The following SNX9 variants were observed in gnomAD, a reference collection of about 807,000 sequenced individuals.
SNX9 encodes sorting nexin-9.
A neutral mutation model predicts 89.4 loss-of-function variants in SNX9; 44 were observed. The ratio of observed to expected loss-of-function variants is 0.49; its 90% CI spans 0.39 to 0.63. The LOEUF is 0.63. Among genes scored for constraint, SNX9 ranks in the 30% least tolerant of loss-of-function variants. The pLI, the probability that SNX9 is intolerant of heterozygous loss-of-function variation, is 0.00. For synonymous variants in SNX9, 236 were observed against 247.8 expected (o/e 0.95, Z 0.45); for missense variants, 578 against 736.1 (o/e 0.79, Z 2.49).
intron 5 of SNX9, among the ~76,000 whole-genome samples, chr6:157,898,467 T>TTCTGATTTTAACATC (rs1272260905): frequency 1.3e-5 from 2 of 152,236 alleles, no homozygotes; most frequent in Non-Finnish European, 2.9e-5. Flanking sequence ...ATTTGTCACC[T>TTCTGATTTTAACATC]TCTGATTTTA....
chr6:157,895,208 A>G (rs1215485160), intron 4 of SNX9, among the ~76,000 whole-genome samples: 3 of 152,220 alleles, frequency 2.0e-5, no homozygotes, highest in Non-Finnish European at 4.4e-5. Flanking sequence ...CAGTTTGTGC[A>G]CAGCCTCAGC....
At chr6:157,915,640 A>AAAAAATATATATATAT (rs1472422303) in intron 9 of SNX9, among the ~76,000 whole-genome samples, 38 of 95,096 alleles carry the variant, frequency 4.0e-4, no homozygotes, top group African/African-American at 1.7e-3. Context: ...AAAAAAAAAA[A>AAAAAATATATATATAT]ATATATATAT....
chr6:157,827,821 C>T (rs1781409604), intron 1 of SNX9, among the ~76,000 whole-genome samples: 1 of 150,136 alleles, frequency 6.7e-6, no homozygotes, highest in Non-Finnish European at 1.5e-5. Flanking sequence ...TACATAGTCA[C>T]CTTTAGGCTA....
rs1297164386 is a variant in SNX9, at chr6:157,937,402, G to A, written c.1444-32G>A. On this transcript the variant is annotated intron_variant, in intron 14 of 17. Coordinates refer to ENST00000392185, the MANE Select transcript of SNX9 (RefSeq NM_016224.5). ...TTTCCTTGATTTTCTGAATTTCTCT[G>A]CCAGTAACAATCAGCTTGTATCTTG... The A allele has an allele frequency of 2.0e-6, 3 of 1,478,226 alleles. No homozygotes were observed. The African/African-American group carries it at 4.2e-5, about 21-fold the overall frequency. 91.6% of individuals were successfully genotyped at this position (1,478,226 alleles called of 1,614,324 possible). A position where few individuals can be genotyped will look rare whatever the true frequency, so the allele number is the denominator to read the frequency against.
At chr6:157,942,649 G>A (rs1489993400) in intron 17 of SNX9, 142 bp from the exon 18 acceptor site, 7 of 833,646 alleles carry the variant, frequency 8.4e-6, no homozygotes, top group African/African-American at 3.4e-5. Context: ...GCAGCAACGC[G>A]GGGCAGGGCT....
At chr6:157,897,388 A>G (rs1359630104) in intron 5 of SNX9, among the ~76,000 whole-genome samples, 2 of 152,164 alleles carry the variant, frequency 1.3e-5, no homozygotes, top group African/African-American at 2.4e-5. Context: ...TGGGGAAGGG[A>G]CGCAGAGCTT....
At chr6:157,875,242 C>A (rs1016813050) in intron 4 of SNX9, 66 bp downstream of exon 4, 58 of 1,547,050 alleles carry the variant, frequency 3.7e-5, no homozygotes, top group Non-Finnish European at 4.7e-5. Context: ...TTTGTGAAGG[C>A]TTGTGATGCA....
At chr6:157,910,089 T>A in intron 9 of SNX9, 64 bp downstream of exon 9, 1 of 1,281,754 alleles carries the variant, frequency 7.8e-7, no homozygotes, top group Non-Finnish European at 1.1e-6. Context: ...ATTATCTTCC[T>A]GTAAGTCAGT....
intron 4 of SNX9, among the ~76,000 whole-genome samples, chr6:157,876,112 G>T (rs1263377969): frequency 6.6e-6 from 1 of 151,376 alleles, no homozygotes; most frequent in East Asian, 1.9e-4. Flanking sequence ...ATTCTATCAG[G>T]CCTGATGATA....
At chr6:157,850,988 G>C (rs182207024) in intron 1 of SNX9, among the ~76,000 whole-genome samples, 1 of 152,154 alleles carries the variant, frequency 6.6e-6, no homozygotes, top group Admixed American at 6.5e-5. Flanking sequence ...GGGCGTGGTG[G>C]CTCATGCCTG....
chr6:157,913,794 C>T (rs917942264), intron 9 of SNX9, among the ~76,000 whole-genome samples: 6 of 152,208 alleles, frequency 3.9e-5, no homozygotes, highest in South Asian at 2.1e-4. Context: ...TAGCATAACA[C>T]ATTTGCAATT....
intron 9 of SNX9, among the ~76,000 whole-genome samples, chr6:157,915,640 A>AAAAAAAAAAAAAATATATATATATATAT (rs1472422303): frequency 1.1e-5 from 1 of 95,172 alleles, no homozygotes; most frequent in African/African-American, 4.7e-5. Context: ...AAAAAAAAAA[A>AAAAAAAAAAAAAATATATATATATATAT]ATATATATAT....
chr6:157,939,879 G>A (rs1455785491), intron 16 of SNX9, among the ~76,000 whole-genome samples: 1 of 152,148 alleles, frequency 6.6e-6, no homozygotes, highest in East Asian at 1.9e-4. Flanking sequence ...TCAGCCTGGA[G>A]GGTTTGGGAG....
rs1412145319 is a variant in SNX9 at position 157,937,473 on chromosome 6, G to A, written c.1483G>A (p.Glu495Lys). The change falls in exon 15 of 18, where the codon GAG becomes AAG. Residue 495 changes from glutamate (E) to lysine (K), a missense_variant. Around this residue, in one of 2 missense-constraint regions of SNX9, gnomAD observed 348 missense variants for 491.4 expected, o/e 0.71. Coordinates refer to ENST00000392185, the MANE Select transcript of SNX9 (RefSeq NM_016224.5). ...CCATTTCCTGATGGAATGTAATCAC[G>A]AGTATAAAGGTTTTCTTGGCTGCTT... is the stretch of plus-strand genomic sequence containing the variant. The part of the protein sequence containing the change: ...DLHFLMECNH[E>K]YKGFLGCFPD... The A allele has an allele frequency of 9.9e-6, 16 of 1,613,818 alleles. No homozygotes were observed. The highest frequency in any genetic ancestry group is 2.2e-5 in the East Asian group (1 of 44,852).
chr6:157,933,139 T>C (rs1266028260), intron 13 of SNX9, among the ~76,000 whole-genome samples: 1 of 151,594 alleles, frequency 6.6e-6, no homozygotes, highest in African/African-American at 2.4e-5. Flanking sequence ...AATAATAAAA[T>C]AAAAATTAGC....
chr6:157,942,225 A>G (rs933657331), intron 17 of SNX9, among the ~76,000 whole-genome samples: 9 of 152,228 alleles, frequency 5.9e-5, no homozygotes, highest in African/African-American at 2.2e-4. Context: ...GCAGACATAT[A>G]TTGAGTGTTT....
At chr6:157,870,661 G>A (rs761209751) in intron 2 of SNX9, among the ~76,000 whole-genome samples, 12 of 147,426 alleles carry the variant, frequency 8.1e-5, no homozygotes, top group South Asian at 4.3e-4. Context: ...CACAGATGCA[G>A]CACTCACCTG....
chr6:157,893,958 A>C (rs1198900573), intron 4 of SNX9, among the ~76,000 whole-genome samples: 1 of 152,166 alleles, frequency 6.6e-6, no homozygotes, highest in African/African-American at 2.4e-5. Flanking sequence ...GTCCAGCTAT[A>C]GACCCAAATC....
At chr6:157,868,347 A>G (rs1265350343) in intron 2 of SNX9, among the ~76,000 whole-genome samples, 1 of 152,212 alleles carries the variant, frequency 6.6e-6, no homozygotes, top group Non-Finnish European at 1.5e-5. Flanking sequence ...ATACATATGT[A>G]CACATAGATA....
Sources: gnomAD v4.1 joint callset for allele counts (sites outside exome capture counted in the v4.1 genomes callset) on GRCh38, gnomAD v4.1.1 for gene constraint, gnomAD v4.1.1 regional missense constraint, MANE v1.5 for transcripts, NCBI Gene and HGNC (gene_info 2026-07-23, HGNC 2026-07-21) for gene names.